Variants in SLC34A3 observed in about 807,000 individuals in gnomAD.
SLC34A3 encodes the protein solute carrier family 34 member 3.
Under a neutral mutation model 43.9 loss-of-function variants are expected in SLC34A3, and 60 were observed. The ratio of observed to expected loss-of-function variants is 1.37; its 90% CI spans 1.11 to 1.70. SLC34A3 has a LOEUF of 1.70. Ranked by LOEUF, SLC34A3 falls within the 40% of genes most tolerant of loss-of-function variation. SLC34A3 has a pLI of 0.00. For missense variants in SLC34A3, 969 were observed against 823.8 expected (o/e 1.18, Z -2.16); for synonymous variants, 451 against 386.2 (o/e 1.17, Z -1.97).
In SLC34A3 at chr9:137,236,446, C is replaced by G. The variant is rs1445470880; in HGVS notation, c.*30C>G. ...CAGTTGCTGAGCAGACCGCCCCACC[C>G]TCCCCGGCTGGGAGGGCTCTGGAGG... On this transcript the variant is annotated 3_prime_UTR_variant, in exon 13 of 13. Transcript: ENST00000673835. 6.5e-7 allele frequency: 1 copy of G among 1,528,246 alleles called. No individual in the cohort carries two copies. Among genetic ancestry groups the G allele is most frequent in the Non-Finnish European group, 8.8e-7 (1 of 1,139,822 alleles). 94.7% of individuals were successfully genotyped at this position (1,528,246 alleles called of 1,614,324 possible). A position where few individuals can be genotyped will look rare whatever the true frequency, so the allele number is the denominator to read the frequency against.
At chr9:137,232,464 G>C in intron 3 of SLC34A3, 111 bp from the exon 4 acceptor site, 2 of 1,469,024 alleles carry the variant, frequency 1.4e-6, no homozygotes, top group Non-Finnish European at 1.9e-6. Flanking sequence ...GAGGAAATGG[G>C]ACCCAGCCCT....
rs1564421539 is a variant in SLC34A3, at chr9:137,234,748, C to T, written c.1335+17C>T. 4.4e-6 allele frequency: 7 copies of T among 1,605,296 alleles called. No individual in the cohort carries two copies. The highest frequency in any genetic ancestry group is 5.9e-6 in the Non-Finnish European group (7 of 1,179,762). On this transcript the variant is annotated intron_variant, in intron 12 of 12. Coordinates refer to ENST00000673835, the MANE Select transcript of SLC34A3 (RefSeq NM_001177316.2). The surrounding 1 kb of genome is among the most constrained non-coding windows in gnomAD (Gnocchi z 6.9). ...GCCCTGCAGGTACTGTCCACCCTGCCCCGCTGCCAGAACTGGCCAGCTTCC... is the reference window on the plus strand; with the variant it reads ...GCCCTGCAGGTACTGTCCACCCTGCTCCGCTGCCAGAACTGGCCAGCTTCC...
intron 8 of SLC34A3, 60 bp from the exon 9 acceptor site, chr9:137,233,803 G>T: frequency 3.0e-6 from 1 of 329,238 alleles, no homozygotes; most frequent in Non-Finnish European, 4.7e-6. Flanking sequence ...CCCTCACCTC[G>T]AGCCCTCTGA....
rs1470538974 is a variant in SLC34A3, at chr9:137,236,176, C to T, written c.1560C>T (p.Pro520=). 2 of 1,606,136 alleles carry T rather than the reference C, an allele frequency of 1.2e-6. No individual in the cohort carries two copies. Among genetic ancestry groups the T allele is most frequent in the Admixed American group, 1.7e-5 (1 of 59,582 alleles). The change falls in exon 13 of 13, where the codon CCC becomes CCT. Residue 520 remains proline, a synonymous_variant. Transcript: ENST00000673835. ...GGMELAAVGG[P]LVGLVLLVIL... ...TGGAGCTGGCCGCTGTCGGGGGTCC[C>T]CTGGTGGGGCTGGTGCTCCTCGTCA...
Position 137,233,225 on chromosome 9 carries a change from G to A in SLC34A3, c.577G>A (p.Ala193Thr), listed in dbSNP as rs1038632027. The change falls in exon 7 of 13, where the codon GCG becomes ACG. Residue 193 changes from alanine (A) to threonine (T), a missense_variant. Ala to Thr is a moderately conservative substitution (Grantham distance 58, BLOSUM62 0). Coordinates refer to ENST00000673835, the MANE Select transcript of SLC34A3 (RefSeq NM_001177316.2). ...CGGCCACAGGGCTTTCAGCGGCTCG[G>A]CGGTGCACGGGATCTTCAACTGGCT... Reference protein sequence around the residue: ...DEFQRAFSGSAVHGIFNWLTV... With the variant: ...DEFQRAFSGSTVHGIFNWLTV... 1 of 1,575,098 alleles carries A rather than the reference G, an allele frequency of 6.3e-7. No homozygotes were observed.
At chr9:137,233,805 G>A in intron 8 of SLC34A3, 58 bp from the exon 9 acceptor site, 2 of 600,042 alleles carry the variant, frequency 3.3e-6, no homozygotes, top group South Asian at 3.2e-5. Context: ...CTCACCTCGA[G>A]CCCTCTGACC....
intron 2 of SLC34A3, 59 bp downstream of exon 2, chr9:137,231,846 C>A: frequency 1.4e-6 from 2 of 1,452,666 alleles, no homozygotes; most frequent in South Asian, 1.1e-5. Flanking sequence ...CCCCCAGGCA[C>A]TGGGCAGAGA....
Position 137,235,886 on chromosome 9 carries a change from G to C in SLC34A3, c.1336-66G>C. The C allele has an allele frequency of 4.1e-6, 6 of 1,446,562 alleles. No individual in the cohort carries two copies. In the South Asian group the frequency reaches 6.9e-5, roughly 17 times the overall value. The allele number at this position is 1,446,562 out of a possible 1,614,324, so 89.6% of individuals were successfully genotyped here. ...CCTTCTGTAGGGTGGAGGAGGGCAGGGGTCCGGGGCCCCTGGTGACCCCAC... is the reference window on the plus strand; with the variant it reads ...CCTTCTGTAGGGTGGAGGAGGGCAGCGGTCCGGGGCCCCTGGTGACCCCAC... On this transcript the variant is annotated intron_variant, in intron 12 of 12. Coordinates refer to ENST00000673835, the MANE Select transcript of SLC34A3 (RefSeq NM_001177316.2).
chr9:137,234,298 C>T lies in SLC34A3; in HGVS notation c.1093+22C>T, dbSNP rs200430152. On this transcript the variant is annotated intron_variant, in intron 10 of 12. Coordinates refer to ENST00000673835, the MANE Select transcript of SLC34A3 (RefSeq NM_001177316.2). The surrounding 1 kb of genome is among the most constrained non-coding windows in gnomAD (Gnocchi z 6.9). ...GCGGGTGAGGGCGTGGGAGGAGGTGCGGTGGCCAGGGCTGACCCAGCATCC... is the reference window on the plus strand; with the variant it reads ...GCGGGTGAGGGCGTGGGAGGAGGTGTGGTGGCCAGGGCTGACCCAGCATCC... 2.2e-4 allele frequency: 355 copies of T among 1,608,320 alleles called. 1 individual carries two copies. The African/African-American group carries it at 4.1e-3, about 19-fold the overall frequency.
intron 1 of SLC34A3, chr9:137,231,213 T>TA: frequency 5.3e-6 from 1 of 188,292 alleles, no homozygotes; most frequent in Non-Finnish European, 1.1e-5. Context: ...TGAAGTGGTG[T>TA]GAGGACCCCA....
intron 12 of SLC34A3, among the ~76,000 whole-genome samples, chr9:137,235,362 G>A (rs182613405): frequency 2.9e-4 from 44 of 152,278 alleles, no homozygotes; most frequent in Admixed American, 2.9e-3. Flanking sequence ...CTGCACCGCC[G>A]CTGACAGGAA....
Position 137,234,705 on chromosome 9 carries a change from G to A in SLC34A3, c.1309G>A (p.Ala437Thr), listed in dbSNP as rs761862841. The change falls in exon 12 of 13, where the codon GCA (alanine) becomes ACA (threonine). Residue 437 changes from alanine (A) to threonine (T), a missense_variant. Coordinates refer to ENST00000673835, the MANE Select transcript of SLC34A3 (RefSeq NM_001177316.2). The surrounding 1 kb of genome is among the most constrained non-coding windows in gnomAD (Gnocchi z 6.9). ...CCTGCTGGCTGCCCTGGCCAGCCCC[G>A]CAGACAGGATGCTCAGCGCCCTGCA... ...TALLAALASP[A>T]DRMLSALQVA... is the part of the protein sequence containing the mutation. 1.2e-5 allele frequency: 19 copies of A among 1,611,144 alleles called. No individual in the cohort carries two copies. In the Admixed American group the frequency reaches 1.5e-4, roughly 13 times the overall value.
In SLC34A3 at chr9:137,232,126, T is replaced by A. The variant is rs757815865; in HGVS notation, c.140T>A (p.Leu47His). ...LEEGDTDPWT[L>H]PQLKDTSQPW... ...GAAGGGGACACAGACCCCTGGACCCTCCCTCAGCTGAAGGACACAAGCCAG... is the reference window on the plus strand; with the variant it reads ...GAAGGGGACACAGACCCCTGGACCCACCCTCAGCTGAAGGACACAAGCCAG... The change falls in exon 3 of 13, where the codon CTC (leucine) becomes CAC (histidine). Residue 47 changes from leucine to histidine, a missense_variant. Leu to His is a moderately conservative substitution (Grantham distance 99, BLOSUM62 -3). Coordinates refer to ENST00000673835, the MANE Select transcript of SLC34A3 (RefSeq NM_001177316.2). 3.1e-6 allele frequency: 5 copies of A among 1,613,038 alleles called. No individual in the cohort carries two copies. In the Admixed American group the frequency reaches 8.3e-5, roughly 27 times the overall value.
rs146097023 is a variant in SLC34A3 at position 137,234,257 on chromosome 9, G to A, written c.1074G>A (p.Val358=). Residue 358 remains valine (V), a synonymous_variant, in exon 10 of 13, where the codon GTG becomes GTA. Transcript: ENST00000673835. This position sits in a 1 kb window ranked among gnomAD's most constrained non-coding sequence, Gnocchi z 6.9. ...SVLRGRVAQV[V]RTVINADFPF... Reference sequence around the variant, plus strand: ...TGCGCGGCCGCGTGGCCCAGGTCGTGAGGACAGTCATCAATGCGGGTGAGG... The same window carrying A: ...TGCGCGGCCGCGTGGCCCAGGTCGTAAGGACAGTCATCAATGCGGGTGAGG... The A allele has an allele frequency of 2.8e-4, 446 of 1,611,032 alleles. 2 individuals are homozygous for A. Among genetic ancestry groups the A allele is most frequent in the Middle Eastern group, 1.3e-3 (8 of 6,060 alleles).
rs1176134475 is a variant in SLC34A3 at position 137,236,186 on chromosome 9, C to T, written c.1570C>T (p.Leu524=). The part of the protein sequence containing the change: ...LAAVGGPLVG[L]VLLVILVTVL... The stretch of plus-strand genomic sequence containing the variant: ...CGCTGTCGGGGGTCCCCTGGTGGGG[C>T]TGGTGCTCCTCGTCATCCTGGTTAC... Residue 524 remains leucine (L), a synonymous_variant, in exon 13 of 13, where the codon CTG becomes TTG. Transcript: ENST00000673835. 3 of 1,603,398 alleles carry T rather than the reference C, an allele frequency of 1.9e-6. No homozygotes were observed. Among genetic ancestry groups the T allele is most frequent in the Admixed American group, 1.7e-5 (1 of 59,186 alleles).
chr9:137,234,625 T>G lies in SLC34A3; in HGVS notation c.1229T>G (p.Leu410Arg). Residue 410 changes from leucine to arginine, a missense_variant, in exon 12 of 13, where the codon CTG (leucine) becomes CGG (arginine). Transcript: ENST00000673835. This position sits in a 1 kb window ranked among gnomAD's most constrained non-coding sequence, Gnocchi z 6.9. ...CCCCCAGGGGTCGGGGTGATCAGTCTGGACCGGGCGTACCCCCTCTTACTG... is the reference window on the plus strand; with the variant it reads ...CCCCCAGGGGTCGGGGTGATCAGTCGGGACCGGGCGTACCCCCTCTTACTG... ...VPLMGVGVIS[L>R]DRAYPLLLGS... is the part of the protein sequence containing the mutation. The G allele has an allele frequency of 6.2e-7, 1 of 1,612,510 alleles. No individual in the cohort carries two copies. The highest frequency in any genetic ancestry group is 1.6e-4 in the Middle Eastern group (1 of 6,062).
chr9:137,234,293 A>G lies in SLC34A3; in HGVS notation c.1093+17A>G. 1 of 1,609,106 alleles carries G rather than the reference A, an allele frequency of 6.2e-7. No individual in the cohort carries two copies. On this transcript the variant is annotated intron_variant, in intron 10 of 12. Coordinates refer to ENST00000673835, the MANE Select transcript of SLC34A3 (RefSeq NM_001177316.2). The surrounding 1 kb of genome is among the most constrained non-coding windows in gnomAD (Gnocchi z 6.9). ...TCAATGCGGGTGAGGGCGTGGGAGG[A>G]GGTGCGGTGGCCAGGGCTGACCCAG...
At position 137,233,065 on chromosome 9, in the gene SLC34A3, C is replaced by G. The variant is rs752914689; in HGVS notation, c.510C>G (p.Thr170=). ...GTGTCAACGTAGGCACATCCATCAC[C>G]AGCACCCTGGTCTCAATGGCGCAGT... ...IMGVNVGTSI[T]STLVSMAQSG... The change falls in exon 6 of 13, where the codon ACC becomes ACG. Residue 170 remains threonine (T), a synonymous_variant. Transcript: ENST00000673835. 3 of 1,611,754 alleles carry G rather than the reference C, an allele frequency of 1.9e-6. No homozygotes were observed. The highest frequency in any genetic ancestry group is 2.5e-6 in the Non-Finnish European group (3 of 1,179,926).
intron 3 of SLC34A3, 28 bp from the exon 4 acceptor site, chr9:137,232,547 C>G: frequency 1.2e-6 from 2 of 1,610,524 alleles, no homozygotes; most frequent in South Asian, 2.2e-5. Flanking sequence ...GGAGGGCCAG[C>G]CAGGGACAGC....
Sources: gnomAD v4.1 joint callset for allele counts (sites outside exome capture counted in the v4.1 genomes callset) on GRCh38, gnomAD v4.1.1 for gene constraint, Gnocchi (gnomAD v3.1) non-coding constraint, MANE v1.5 for transcripts, NCBI Gene and HGNC (gene_info 2026-07-23, HGNC 2026-07-21) for gene names.